Variants in ZNF385D observed in about 807,000 individuals in gnomAD.
ZNF385D encodes zinc finger protein 385D.
ZNF385D carries 15 observed loss-of-function variants against 35.8 expected under a neutral mutation model. The observed-to-expected ratio is 0.42, with a 90% CI of 0.28 to 0.64. ZNF385D has a LOEUF of 0.64. ZNF385D is among the 30% of genes least tolerant of loss of function. The pLI is 0.23. For synonymous variants in ZNF385D, 212 were observed against 186.8 expected, an observed-to-expected ratio of 1.13 and a Z score of -1.10; for missense variants, 474 against 494.6, an observed-to-expected ratio of 0.96 and a Z score of 0.39.
At chr3:22,370,602 G>C (rs374036639) in intron 2 of ZNF385D, among the ~76,000 whole-genome samples, 3 of 152,280 alleles carry the variant, frequency 2.0e-5, no homozygotes, top group East Asian at 1.9e-4. Context: ...TTTCAAGTGA[G>C]GCTCAAAGAG....
intron 2 of ZNF385D, among the ~76,000 whole-genome samples, chr3:22,188,453 T>C (rs996757405): frequency 6.9e-5 from 7 of 101,010 alleles, no homozygotes; most frequent in African/African-American, 3.9e-4. Flanking sequence ...GTGTGTATAC[T>C]ATTTTTTTTT....
intron 2 of ZNF385D, among the ~76,000 whole-genome samples, chr3:21,575,548 G>A (rs1368682771): frequency 1.3e-5 from 2 of 152,092 alleles, no homozygotes; most frequent in African/African-American, 4.8e-5. Context: ...TAAGTCATTT[G>A]CACTTCCTCT....
intron 3 of ZNF385D, among the ~76,000 whole-genome samples, chr3:21,541,324 T>C (rs2062170541): frequency 6.6e-6 from 1 of 152,176 alleles, no homozygotes; most frequent in South Asian, 2.1e-4. Flanking sequence ...AGAAGGTAAA[T>C]GGGAAATCTC....
chr3:22,090,533 T>C (rs908531187), intron 3 of ZNF385D, among the ~76,000 whole-genome samples: 17 of 152,060 alleles, frequency 1.1e-4, no homozygotes, highest in African/African-American at 3.1e-4. Context: ...CTCAGTTCAA[T>C]TCACAGCCTA....
chr3:22,239,404 G>A (rs1338783853), intron 2 of ZNF385D, among the ~76,000 whole-genome samples: 1 of 150,888 alleles, frequency 6.6e-6, no homozygotes, highest in African/African-American at 2.5e-5. Context: ...GTTTTAAAGT[G>A]TCCTAAGCCA....
intron 2 of ZNF385D, among the ~76,000 whole-genome samples, chr3:22,224,885 A>T (rs540007870): frequency 6.6e-6 from 1 of 152,102 alleles, no homozygotes; most frequent in African/African-American, 2.4e-5. Flanking sequence ...TTTTGCTATA[A>T]TCTTTGTCCA....
intron 3 of ZNF385D, among the ~76,000 whole-genome samples, chr3:22,126,310 G>GTTTTTTTTTTTTT (rs57457479): frequency 1.0e-5 from 1 of 100,146 alleles, no homozygotes; most frequent in Non-Finnish European, 1.9e-5. Flanking sequence ...TTTGAAAGTT[G>GTTTTTTTTTTTTT]TTTTTTTTTT....
intron 3 of ZNF385D, among the ~76,000 whole-genome samples, chr3:21,975,661 C>T (rs1412622986): frequency 6.8e-6 from 1 of 146,220 alleles, no homozygotes; most frequent in Non-Finnish European, 1.5e-5. Context: ...CATGTGCCCT[C>T]TATGAACCCA....
chr3:22,046,393 A>G (rs1010053511), intron 3 of ZNF385D, among the ~76,000 whole-genome samples: 8 of 152,140 alleles, frequency 5.3e-5, no homozygotes, highest in Non-Finnish European at 8.8e-5. Flanking sequence ...ACAGCCCACT[A>G]TATTTTATGT....
chr3:21,916,236 A>C (rs1700187580), intron 3 of ZNF385D, among the ~76,000 whole-genome samples: 1 of 152,200 alleles, frequency 6.6e-6, no homozygotes, highest in South Asian at 2.1e-4. Context: ...GGAATATTCA[A>C]AAGTAATAAA....
intron 2 of ZNF385D, among the ~76,000 whole-genome samples, chr3:22,294,860 C>CTAT (rs1245643964): frequency 1.3e-5 from 2 of 152,120 alleles, no homozygotes; most frequent in Non-Finnish European, 2.9e-5. Flanking sequence ...TCTGTTACCA[C>CTAT]TATTAGATAT....
At chr3:21,591,164 T>TC (rs1391679405) in intron 2 of ZNF385D, among the ~76,000 whole-genome samples, 2 of 152,126 alleles carry the variant, frequency 1.3e-5, no homozygotes, top group African/African-American at 2.4e-5. Flanking sequence ...CCACTGCACC[T>TC]CAGCCTGGGA....
intron 2 of ZNF385D, among the ~76,000 whole-genome samples, chr3:22,309,305 T>A (rs557643958): frequency 6.6e-6 from 1 of 152,094 alleles, no homozygotes; most frequent in African/African-American, 2.4e-5. Context: ...ATCTCTGCCC[T>A]GTACAGTTAA....
intron 3 of ZNF385D, among the ~76,000 whole-genome samples, chr3:21,994,081 T>G (rs1241936295): frequency 6.6e-6 from 1 of 152,180 alleles, no homozygotes; most frequent in Non-Finnish European, 1.5e-5. Context: ...TTCACAAACT[T>G]TCTTACTGAG....
intron 4 of ZNF385D, among the ~76,000 whole-genome samples, chr3:21,438,855 C>T (rs922286853): frequency 6.6e-6 from 1 of 152,108 alleles, no homozygotes; most frequent in African/African-American, 2.4e-5. Flanking sequence ...TATTCCCTTG[C>T]ACACTGAAAG....
intron 2 of ZNF385D, among the ~76,000 whole-genome samples, chr3:21,649,070 C>T (rs1031654038): frequency 2.6e-5 from 4 of 152,096 alleles, no homozygotes; most frequent in African/African-American, 9.7e-5. Flanking sequence ...TCTTGATACT[C>T]AATATGTGGT....
At chr3:21,491,560 A>C (rs1705426527) in intron 4 of ZNF385D, among the ~76,000 whole-genome samples, 2 of 152,158 alleles carry the variant, frequency 1.3e-5, no homozygotes, top group African/African-American at 4.8e-5. Flanking sequence ...TACACAGATA[A>C]CTGGAACAAT....
At chr3:21,731,379 T>C (rs1250821553) in intron 1 of ZNF385D, among the ~76,000 whole-genome samples, 4 of 152,218 alleles carry the variant, frequency 2.6e-5, no homozygotes, top group Non-Finnish European at 5.9e-5. Flanking sequence ...ACAGCCATAT[T>C]GAATGGGTAA....
rs1700503215 is a variant in ZNF385D at position 21,412,305 on chromosome 3, A to G, written c.*8909T>C. ...CATGAGACGTGTTCTGTGAGTCACT[A>G]CAATTCTCACTTGGCACTTGGAACA... On this transcript the variant is annotated 3_prime_UTR_variant, in exon 8 of 8. Transcript: ENST00000281523. 1 of 152,070 alleles carries G rather than the reference A, an allele frequency of 6.6e-6. No individual in the cohort carries two copies. Among genetic ancestry groups the G allele is most frequent in the Admixed American group, 6.6e-5 (1 of 15,258 alleles). 9.4% of individuals were successfully genotyped at this position (152,070 alleles called of 1,614,324 possible). A position where few individuals can be genotyped will look rare whatever the true frequency, so the allele number is the denominator to read the frequency against.
Sources: gnomAD v4.1 joint callset for allele counts (sites outside exome capture counted in the v4.1 genomes callset) on GRCh38, gnomAD v4.1.1 for gene constraint, MANE v1.5 for transcripts, NCBI Gene and HGNC (gene_info 2026-07-23, HGNC 2026-07-21) for gene names.